Variants in NBAS observed in about 807,000 individuals in gnomAD.
NBAS encodes NAG/BC035112 fusion.
A neutral mutation model predicts 302.5 loss-of-function variants in NBAS; 219 were observed. The ratio of observed to expected loss-of-function variants is 0.72; its 90% CI spans 0.65 to 0.81. The LOEUF is 0.81. NBAS is among the 30% of genes least tolerant of loss of function. The probability of loss-of-function intolerance (pLI) is 0.00; values close to 1 mark genes in which losing one functional copy is unlikely to be tolerated. For missense variants in NBAS, 2,932 were observed against 2,841.6 expected (o/e 1.03, Z -0.72); for synonymous variants, 1,118 against 1,021.6 (o/e 1.09, Z -1.80).
intron 11 of NBAS, among the ~76,000 whole-genome samples, chr2:15,494,538 T>C (rs1267999268): frequency 6.6e-6 from 1 of 152,254 alleles, no homozygotes; most frequent in Non-Finnish European, 1.5e-5. Flanking sequence ...CACTCTTCAC[T>C]TGCACCTTAG....
At chr2:15,239,399 G>GTATA (rs374042921) in intron 44 of NBAS, among the ~76,000 whole-genome samples, 30,505 of 133,758 alleles carry the variant, frequency 0.23, 3,227 homozygotes, top group Non-Finnish European at 0.27. Flanking sequence ...GTGTGTGTGT[G>GTATA]TGTATATATA....
chr2:15,330,910 A>G (rs1672312759), intron 35 of NBAS, 145 bp from the exon 36 acceptor site: 2 of 826,366 alleles, frequency 2.4e-6, no homozygotes, highest in Non-Finnish European at 3.7e-6. Flanking sequence ...TGCTTGTAAC[A>G]AAATAAATGT....
chr2:14,994,606 G>T, the NBAS span, among the ~76,000 whole-genome samples: 1 of 152,190 alleles, frequency 6.6e-6, no homozygotes, highest in South Asian at 2.1e-4. Context: ...TCACAGCCTG[G>T]GAGCAGCTAT....
intron 45 of NBAS, among the ~76,000 whole-genome samples, chr2:15,238,222 T>C (rs1667694033): frequency 6.6e-6 from 1 of 152,114 alleles, no homozygotes; most frequent in African/African-American, 2.4e-5. Flanking sequence ...TTTCCACCCT[T>C]CTCACCCACT....
the NBAS span, among the ~76,000 whole-genome samples, chr2:15,001,060 T>C: frequency 6.6e-6 from 1 of 152,272 alleles, no homozygotes; most frequent in Admixed American, 6.5e-5. Flanking sequence ...GAAGAAGGAA[T>C]TCCAGCAGTC....
At position 15,539,493 on chromosome 2, in the gene NBAS, T is replaced by C. The variant is rs1232164075; in HGVS notation, c.380-137A>G. On this transcript the variant is annotated intron_variant, in intron 6 of 51. Coordinates refer to ENST00000281513, the MANE Select transcript of NBAS (RefSeq NM_015909.4). ...CTAAGGATCTCTAATAAAGCTTCCCTCAATAAAAAAGAGCAGTTTCCAGAA... is the reference window on the plus strand; with the variant it reads ...CTAAGGATCTCTAATAAAGCTTCCCCCAATAAAAAAGAGCAGTTTCCAGAA... The C allele has an allele frequency of 3.8e-5, 41 of 1,075,848 alleles. No individual in the cohort carries two copies. The East Asian group carries it at 9.0e-4, about 24-fold the overall frequency. The allele number at this position is 1,075,848 out of a possible 1,614,324, so 66.6% of individuals were successfully genotyped here. A position where few individuals can be genotyped will look rare whatever the true frequency, so the allele number is the denominator to read the frequency against.
At chr2:14,974,398 A>T in the NBAS span, among the ~76,000 whole-genome samples, 1 of 152,196 alleles carries the variant, frequency 6.6e-6, no homozygotes, top group Non-Finnish European at 1.5e-5. Context: ...AGAGAAAATG[A>T]CTTTGCTGGT....
chr2:14,799,801 T>G, the NBAS span, among the ~76,000 whole-genome samples: 1 of 152,322 alleles, frequency 6.6e-6, no homozygotes, highest in Non-Finnish European at 1.5e-5. Flanking sequence ...TTGACAATTC[T>G]TTTATTAAAA....
At position 15,328,074 on chromosome 2, in the gene NBAS, C is replaced by A. The variant is rs1033415317; in HGVS notation, c.4461+125G>T. ...AATATATACCAAAAAAATGTAAAAACCAATGAATAACATGAGTAAGAACCA... is the reference window on the plus strand; with the variant it reads ...AATATATACCAAAAAAATGTAAAAAACAATGAATAACATGAGTAAGAACCA... On this transcript the variant is annotated intron_variant, in intron 37 of 51. Coordinates refer to ENST00000281513, the MANE Select transcript of NBAS (RefSeq NM_015909.4). 4.2e-6 allele frequency: 5 copies of A among 1,198,282 alleles called. No homozygotes were observed. The African/African-American group carries it at 7.8e-5, about 19-fold the overall frequency. 74.2% of individuals were successfully genotyped at this position (1,198,282 alleles called of 1,614,324 possible).
In NBAS at chr2:15,345,852, T is replaced by C. The variant is rs116553083; in HGVS notation, c.4179+6140A>G. 9.4e-3 allele frequency among the ~76,000 whole-genome samples: 1,437 copies of C among 152,064 alleles called. 30 individuals are homozygous for C. The highest frequency in any genetic ancestry group is 0.032 in the African/African-American group (1,339 of 41,486). Reference sequence around the variant, plus strand: ...AACAGAGACCTCACAAATACCACCATGCATCTACAACCATCTGATCTTTGA... The same window carrying C: ...AACAGAGACCTCACAAATACCACCACGCATCTACAACCATCTGATCTTTGA... On this transcript the variant is annotated intron_variant, in intron 35 of 51. Transcript: ENST00000281513.
intron 31 of NBAS, among the ~76,000 whole-genome samples, chr2:15,368,508 T>C (rs990298586): frequency 6.6e-6 from 1 of 152,196 alleles, no homozygotes; most frequent in African/African-American, 2.4e-5. Context: ...TAGACTCTCT[T>C]AAAATGAATA....
At chr2:15,333,614 T>C (rs912714802) in intron 35 of NBAS, among the ~76,000 whole-genome samples, 2 of 152,094 alleles carry the variant, frequency 1.3e-5, no homozygotes, top group Non-Finnish European at 2.9e-5. Context: ...ATTAAATGTA[T>C]ATATTACATT....
intron 32 of NBAS, among the ~76,000 whole-genome samples, chr2:15,360,426 C>T (rs544762438): frequency 6.4e-4 from 97 of 151,716 alleles, no homozygotes; most frequent in Non-Finnish European, 1.1e-3. Context: ...TCACTGTAAC[C>T]TCGTGAACTC....
At chr2:15,379,270 C>T (rs567782381) in intron 30 of NBAS, among the ~76,000 whole-genome samples, 37 of 150,530 alleles carry the variant, frequency 2.5e-4, no homozygotes, top group African/African-American at 8.5e-4. Flanking sequence ...GCTACATGAA[C>T]GAGACAGGCA....
intron 3 of NBAS, among the ~76,000 whole-genome samples, chr2:15,554,532 G>A (rs1664552600): frequency 6.6e-6 from 1 of 150,774 alleles, no homozygotes; most frequent in African/African-American, 2.4e-5. Flanking sequence ...AAATTTCCAA[G>A]TACTAGAAAT....
At chr2:15,236,115 C>T (rs1667579582) in intron 45 of NBAS, among the ~76,000 whole-genome samples, 1 of 152,036 alleles carries the variant, frequency 6.6e-6, no homozygotes, top group African/African-American at 2.4e-5. Context: ...ATTTAGGAAC[C>T]TCAAGAGTTT....
the NBAS span, among the ~76,000 whole-genome samples, chr2:14,917,937 T>C: frequency 2.6e-5 from 4 of 152,164 alleles, no homozygotes; most frequent in Non-Finnish European, 4.4e-5. Flanking sequence ...TTGTCAGATA[T>C]AACATCTTCT....
At chr2:14,895,324 C>T in the NBAS span, among the ~76,000 whole-genome samples, 1 of 151,916 alleles carries the variant, frequency 6.6e-6, no homozygotes, top group Non-Finnish European at 1.5e-5. Context: ...TATAAAAATC[C>T]TAGAAGAAAA....
At chr2:15,207,867 C>T (rs1295934217) in intron 48 of NBAS, among the ~76,000 whole-genome samples, 1 of 151,570 alleles carries the variant, frequency 6.6e-6, no homozygotes, top group East Asian at 1.9e-4. Context: ...TCTTTACAGC[C>T]GTGTGAAAAT....
Sources: allele counts gnomAD v4.1 joint callset (sites outside exome capture counted in the v4.1 genomes callset), GRCh38; gene constraint gnomAD v4.1.1; transcripts MANE v1.5; gene names NCBI Gene and HGNC (gene_info 2026-07-23, HGNC 2026-07-21).